Variants in ACVR1B observed in about 807,000 individuals in gnomAD.
ACVR1B encodes the protein activin A receptor type 1B.
A neutral mutation model predicts 55.6 loss-of-function variants in ACVR1B; 15 were observed. That is an observed-to-expected ratio of 0.27 (90% CI 0.18 to 0.42). The LOEUF is 0.42. ACVR1B is among the 10% of genes least tolerant of loss of function. ACVR1B has a pLI of 1.00. For missense variants in ACVR1B, 359 were observed against 670.1 expected, an observed-to-expected ratio of 0.54 and a Z score of 5.13; for synonymous variants, 247 against 254.6, an observed-to-expected ratio of 0.97 and a Z score of 0.28.
intron 1 of ACVR1B, among the ~76,000 whole-genome samples, chr12:51,966,082 GA>G (rs540456138): frequency 7.4e-4 from 112 of 151,796 alleles, no homozygotes; most frequent in African/African-American, 2.6e-3. Flanking sequence ...AAGAAAGAAA[GA>G]AAAAAGAATT....
intron 4 of ACVR1B, among the ~76,000 whole-genome samples, 171 bp downstream of exon 4, chr12:51,981,370 G>GAAAAGGTTATACAA (rs1941974565): frequency 2.0e-5 from 3 of 152,078 alleles, no homozygotes; most frequent in Admixed American, 2.0e-4. Flanking sequence ...TTTATTCCAT[G>GAAAAGGTTATACAA]AAAAGGTTAT....
intron 1 of ACVR1B, among the ~76,000 whole-genome samples, chr12:51,964,415 T>C (rs889047556): frequency 6.6e-6 from 1 of 152,232 alleles, no homozygotes; most frequent in African/African-American, 2.4e-5. Context: ...TCCTGTTCAT[T>C]GTCTTTTCAT....
intron 8 of ACVR1B, among the ~76,000 whole-genome samples, chr12:51,993,310 T>C (rs1196670547): frequency 6.6e-6 from 1 of 152,196 alleles, no homozygotes; most frequent in Non-Finnish European, 1.5e-5. Flanking sequence ...CAGAACAGAA[T>C]TGCATATTAG....
rs1565623734 is a variant in ACVR1B, at chr12:51,991,846, A to G, written c.1262-17A>G. On this transcript the variant is annotated splice_polypyrimidine_tract_variant and intron_variant, in intron 7 of 8. Transcript: ENST00000257963. ...CCTGCTGTTGATAACTCAGGTAGATACTTTCTTTTCTCCCAGGAGTCCATG... is the reference window on the plus strand; with the variant it reads ...CCTGCTGTTGATAACTCAGGTAGATGCTTTCTTTTCTCCCAGGAGTCCATG... 3 of 1,610,824 alleles carry G rather than the reference A, an allele frequency of 1.9e-6. No individual in the cohort carries two copies. The highest frequency in any genetic ancestry group is 4.5e-5 in the East Asian group (2 of 44,842).
At chr12:51,963,466 G>C (rs191742181) in intron 1 of ACVR1B, among the ~76,000 whole-genome samples, 2 of 152,170 alleles carry the variant, frequency 1.3e-5, no homozygotes, top group Non-Finnish European at 2.9e-5. Flanking sequence ...GGCTGGTTTC[G>C]ACTGTAAGTG....
intron 8 of ACVR1B, 97 bp downstream of exon 8, chr12:51,992,090 C>A: frequency 6.7e-7 from 1 of 1,487,482 alleles, no homozygotes; most frequent in South Asian, 1.2e-5. Context: ...GAGGAGCCCC[C>A]TGAGAGTGTC....
chr12:51,982,692 G>T (rs1383025668), intron 4 of ACVR1B: 1 of 1,529,300 alleles, frequency 6.5e-7, no homozygotes, highest in Admixed American at 2.0e-5. Context: ...ACAGCAGACT[G>T]CTCATTCCTC....
chr12:51,981,763 C>T (rs548747514), intron 4 of ACVR1B, among the ~76,000 whole-genome samples: 4 of 151,454 alleles, frequency 2.6e-5, no homozygotes, highest in East Asian at 3.9e-4. Flanking sequence ...ACCCAGGAGG[C>T]GGAGGTTGCA....
intron 1 of ACVR1B, among the ~76,000 whole-genome samples, chr12:51,963,559 C>T (rs142337017): frequency 6.6e-6 from 1 of 152,210 alleles, no homozygotes; most frequent in Non-Finnish European, 1.5e-5. Context: ...TACATAGAAT[C>T]TTAATGTGTG....
At position 51,994,185 on chromosome 12, in the gene ACVR1B, G is replaced by A; in HGVS notation, c.*75G>A. On this transcript the variant is annotated 3_prime_UTR_variant, in exon 9 of 9. Transcript: ENST00000257963. This position sits in a 1 kb window ranked among gnomAD's most constrained non-coding sequence, Gnocchi z 4.2. Reference sequence around the variant, plus strand: ...CTGCCGCGTTGAGCGTACGATGGAGGCCTACCTCTCGTTTCTGCCCAGCCC... The same window carrying A: ...CTGCCGCGTTGAGCGTACGATGGAGACCTACCTCTCGTTTCTGCCCAGCCC... 6.4e-7 allele frequency: 1 copy of A among 1,571,452 alleles called. No homozygotes were observed. The highest frequency in any genetic ancestry group is 8.6e-7 in the Non-Finnish European group (1 of 1,162,138).
rs1480262464 is a variant in ACVR1B, at chr12:51,996,316, G to A, written c.*2206G>A. On this transcript the variant is annotated 3_prime_UTR_variant, in exon 9 of 9. Transcript: ENST00000257963. ...GTTCTCTGCCAAAGCTTGTGGAGGAGGGAGAGCCCTGTCCCTGCCCTCAGG... is the reference window on the plus strand; with the variant it reads ...GTTCTCTGCCAAAGCTTGTGGAGGAAGGAGAGCCCTGTCCCTGCCCTCAGG... 1 of 152,716 alleles carries A rather than the reference G, an allele frequency of 6.5e-6. No homozygotes were observed. The highest frequency in any genetic ancestry group is 1.5e-5 in the Non-Finnish European group (1 of 68,102). The allele number at this position is 152,716 out of a possible 1,614,324, so 9.5% of individuals were successfully genotyped here. A position where few individuals can be genotyped will look rare whatever the true frequency, so the allele number is the denominator to read the frequency against.
intron 8 of ACVR1B, chr12:51,992,213 A>C: frequency 3.3e-6 from 2 of 605,028 alleles, no homozygotes; most frequent in Non-Finnish European, 5.7e-6. Flanking sequence ...TAGAAGAAGA[A>C]AAGGCTTTGG....
At chr12:51,955,911 A>G (rs763119771) in intron 1 of ACVR1B, among the ~76,000 whole-genome samples, 1 of 152,224 alleles carries the variant, frequency 6.6e-6, no homozygotes, top group African/African-American at 2.4e-5. Flanking sequence ...CCTCATGGCC[A>G]GGTTCAGATA....
chr12:51,962,619 C>T (rs1443720973), intron 1 of ACVR1B, among the ~76,000 whole-genome samples: 2 of 152,004 alleles, frequency 1.3e-5, no homozygotes, highest in Non-Finnish European at 2.9e-5. Context: ...TAGTTATTGC[C>T]TTCCTGCCCC....
intron 1 of ACVR1B, among the ~76,000 whole-genome samples, chr12:51,964,834 G>A (rs1008803367): frequency 1.3e-5 from 2 of 152,056 alleles, no homozygotes; most frequent in African/African-American, 2.4e-5. Context: ...TCTATACTTA[G>A]CACCATTCTG....
chr12:51,987,190 TAAAC>T lies in ACVR1B; in HGVS notation c.1261+258_1261+261del, dbSNP rs148906077. ...CATTCTGAAGGCTCGTTTGGCTTTA[TAAAC>T]AAACAAACATTGTTTTATTAGTCCG... On this transcript the variant is annotated intron_variant, in intron 7 of 8. Coordinates refer to ENST00000257963, the MANE Select transcript of ACVR1B (RefSeq NM_004302.5). 5,893 of 689,238 alleles carry T rather than the reference TAAAC, an allele frequency of 8.6e-3. 115 individuals carry two copies. Among genetic ancestry groups the T allele is most frequent in the Admixed American group, 0.047 (2,116 of 44,972 alleles). The allele number at this position is 689,238 out of a possible 1,614,324, so 42.7% of individuals were successfully genotyped here.
At chr12:51,973,330 T>C (rs1329817462) in intron 1 of ACVR1B, among the ~76,000 whole-genome samples, 1 of 152,214 alleles carries the variant, frequency 6.6e-6, no homozygotes, top group East Asian at 1.9e-4. Flanking sequence ...GAACCAATGT[T>C]GTTCTCTTTG....
intron 1 of ACVR1B, among the ~76,000 whole-genome samples, chr12:51,967,036 C>G (rs1278560215): frequency 1.3e-5 from 2 of 151,362 alleles, no homozygotes; most frequent in Non-Finnish European, 2.9e-5. Flanking sequence ...GTCAGGAGAT[C>G]GAGACCATCC....
At chr12:51,958,655 AAAAAG>A (rs1336997685) in intron 1 of ACVR1B, among the ~76,000 whole-genome samples, 1 of 152,102 alleles carries the variant, frequency 6.6e-6, no homozygotes, top group African/African-American at 2.4e-5. Flanking sequence ...AAAAAAAAAA[AAAAAG>A]AAAAGAAAGA....
Sources: allele counts gnomAD v4.1 joint callset (sites outside exome capture counted in the v4.1 genomes callset), GRCh38; gene constraint gnomAD v4.1.1; non-coding constraint Gnocchi (gnomAD v3.1); transcripts MANE v1.5; gene names NCBI Gene and HGNC (gene_info 2026-07-23, HGNC 2026-07-21).